Variants in TLE3 observed in about 807,000 individuals in gnomAD.
TLE3 encodes the protein transducin-like enhancer protein 3.
In TLE3, 14 loss-of-function variants were observed where a neutral mutation model predicts 93.0. The observed-to-expected ratio is 0.15, with a 90% CI of 0.10 to 0.24. TLE3 has a LOEUF of 0.24. Ranked by LOEUF, TLE3 falls within the 10% of genes least tolerant of loss-of-function variation. The pLI is 1.00. For missense variants in TLE3, 693 were observed against 1,046.6 expected, an observed-to-expected ratio of 0.66 and a Z score of 4.66; for synonymous variants, 451 against 425.0, an observed-to-expected ratio of 1.06 and a Z score of -0.75.
chr15:70,074,696 G>A, intron 5 of TLE3, 89 bp from the exon 6 acceptor site: 1 of 1,135,154 alleles, frequency 8.8e-7, no homozygotes, highest in East Asian at 2.6e-5. Flanking sequence ...GCCTCTCGGA[G>A]AGGCCCAGAG....
In TLE3 at chr15:70,056,330, G is replaced by A; in HGVS notation, c.1296C>T (p.Pro432=). 6.2e-7 allele frequency: 1 copy of A among 1,613,680 alleles called. No individual in the cohort carries two copies. Among genetic ancestry groups the A allele is most frequent in the South Asian group, 1.1e-5 (1 of 91,080 alleles). The change falls in exon 14 of 20, where the codon CCC becomes CCT. Residue 432 remains proline, a synonymous_variant. Transcript: ENST00000451782. ...PHPPMRATGL[P]SSLASIPGGK... is the part of the protein sequence containing the mutation. ...CTCCAGGAATGGAGGCCAGGCTTGA[G>A]GGGAGGCCTGTGGCCCGCATCGGGG...
chr15:70,071,661 A>G (rs1347907267), intron 6 of TLE3, among the ~76,000 whole-genome samples: 2 of 152,164 alleles, frequency 1.3e-5, no homozygotes, highest in African/African-American at 4.8e-5. Flanking sequence ...TGGAGGAACA[A>G]AGTGACTTGC....
Position 70,096,850 on chromosome 15 carries a change from C to A in TLE3, c.-52G>T. ...GCGTGGAAGCGCCGAGAGCCCGGGC[C>A]GGGGAGGTGCGGGGGAGGGGGGAGC... On this transcript the variant is annotated 5_prime_UTR_variant, in exon 1 of 20. Transcript: ENST00000451782. The A allele has an allele frequency of 6.5e-7, 1 of 1,528,894 alleles. No homozygotes were observed. Among genetic ancestry groups the A allele is most frequent in the Non-Finnish European group, 8.9e-7 (1 of 1,120,832 alleles). The allele number at this position is 1,528,894 out of a possible 1,614,324, so 94.7% of individuals were successfully genotyped here.
chr15:70,059,337 A>G (rs1195045903), intron 10 of TLE3, 73 bp downstream of exon 10: 1 of 1,525,028 alleles, frequency 6.6e-7, no homozygotes, highest in Non-Finnish European at 8.9e-7. Context: ...GACAGAATAG[A>G]TCCCACCCTG....
chr15:70,049,107 T>C lies in TLE3; in HGVS notation c.*990A>G, dbSNP rs2055301781. On this transcript the variant is annotated 3_prime_UTR_variant, in exon 20 of 20. Transcript: ENST00000451782. Reference sequence around the variant, plus strand: ...AACTTTTTGTCCTTTTTAGGCTGTGTCCCAAGATTCAGAAGAGCTGGAGAG... The same window carrying C: ...AACTTTTTGTCCTTTTTAGGCTGTGCCCCAAGATTCAGAAGAGCTGGAGAG... 1 of 152,118 alleles carries C rather than the reference T, an allele frequency of 6.6e-6. No homozygotes were observed. Among genetic ancestry groups the C allele is most frequent in the Non-Finnish European group, 1.5e-5 (1 of 68,032 alleles). The allele number at this position is 152,118 out of a possible 1,614,324, so 9.4% of individuals were successfully genotyped here.
chr15:70,059,480 C>G lies in TLE3; in HGVS notation c.715-20G>C. The G allele has an allele frequency of 1.9e-6, 3 of 1,601,904 alleles. No individual in the cohort carries two copies. Among genetic ancestry groups the G allele is most frequent in the Non-Finnish European group, 2.6e-6 (3 of 1,174,054 alleles). On this transcript the variant is annotated intron_variant, in intron 9 of 19. Coordinates refer to ENST00000451782, the MANE Select transcript of TLE3 (RefSeq NM_001105192.3). ...ACTGTCCTGCAACCAAGAGAGAAGCCAACTGGTCAGTAAGAGGCCACACTT... is the reference window on the plus strand; with the variant it reads ...ACTGTCCTGCAACCAAGAGAGAAGCGAACTGGTCAGTAAGAGGCCACACTT...
chr15:70,060,987 C>A (rs1410870538), intron 8 of TLE3, among the ~76,000 whole-genome samples: 7 of 152,210 alleles, frequency 4.6e-5, no homozygotes, highest in Non-Finnish European at 1.0e-4. Context: ...GTCTCATTCA[C>A]CACCCATCTC....
At chr15:70,062,221 G>A (rs546596089) in intron 8 of TLE3, among the ~76,000 whole-genome samples, 4 of 152,276 alleles carry the variant, frequency 2.6e-5, no homozygotes, top group African/African-American at 7.2e-5. Flanking sequence ...GTGCAGGAGC[G>A]GTGGCGATGC....
chr15:70,097,864 AAGGGGACGAGCAC>A lies in TLE3; in HGVS notation c.-1079_-1067del. On this transcript the variant is annotated 5_prime_UTR_variant, in exon 1 of 20. Transcript: ENST00000451782. Reference sequence around the variant, plus strand: ...TACGGATACCACACACAGACAGGCGAAGGGGACGAGCACGAGGTCTGAACTGCCGCGAGAGCAG... The same window carrying A: ...TACGGATACCACACACAGACAGGCGAGAGGTCTGAACTGCCGCGAGAGCAG... 1.2e-5 allele frequency: 4 copies of A among 326,740 alleles called. No individual in the cohort carries two copies. The highest frequency in any genetic ancestry group is 4.9e-5 in the Admixed American group (1 of 20,276). 20.2% of individuals were successfully genotyped at this position (326,740 alleles called of 1,614,324 possible).
chr15:70,082,520 G>GAC (rs1392644962), intron 4 of TLE3, among the ~76,000 whole-genome samples: 1 of 152,216 alleles, frequency 6.6e-6, no homozygotes, highest in African/African-American at 2.4e-5. Context: ...TCACATCACA[G>GAC]ATCACTCAAT....
chr15:70,089,141 G>C (rs773816079), intron 4 of TLE3, among the ~76,000 whole-genome samples: 2 of 152,146 alleles, frequency 1.3e-5, no homozygotes, highest in Non-Finnish European at 2.9e-5. Flanking sequence ...GAGGGGCCTC[G>C]GCTGCCGACT....
intron 4 of TLE3, among the ~76,000 whole-genome samples, chr15:70,077,434 C>A (rs1340037390): frequency 6.6e-6 from 1 of 152,224 alleles, no homozygotes; most frequent in African/African-American, 2.4e-5. Flanking sequence ...TGATCATCTG[C>A]ATGTCAAATG....
chr15:70,095,941 C>A lies in TLE3; in HGVS notation c.125+220G>T, dbSNP rs1016036789. 1.8e-5 allele frequency: 12 copies of A among 663,388 alleles called. No homozygotes were observed. In the South Asian group the frequency reaches 2.2e-4, roughly 12 times the overall value. 41.1% of individuals were successfully genotyped at this position (663,388 alleles called of 1,614,324 possible). A position where few individuals can be genotyped will look rare whatever the true frequency, so the allele number is the denominator to read the frequency against. On this transcript the variant is annotated intron_variant, in intron 2 of 19. Coordinates refer to ENST00000451782, the MANE Select transcript of TLE3 (RefSeq NM_001105192.3). Reference sequence around the variant, plus strand: ...TGAACCCGCTCGCCGCGACCTAGACCCTCATTCGGGGACCCCACGGGCGGC... The same window carrying A: ...TGAACCCGCTCGCCGCGACCTAGACACTCATTCGGGGACCCCACGGGCGGC...
chr15:70,051,631 T>G (rs1006054114), intron 18 of TLE3, 164 bp from the exon 19 acceptor site: 52 of 170,732 alleles, frequency 3.0e-4, no homozygotes, highest in South Asian at 1.4e-3. Context: ...TGCGGACACC[T>G]GGAGAAGGCC....
rs755829203 is a variant in TLE3, at chr15:70,055,222, C to T, written c.1405G>A (p.Gly469Ser). 58 of 1,613,192 alleles carry T rather than the reference C, an allele frequency of 3.6e-5. No individual in the cohort carries two copies. Among genetic ancestry groups the T allele is most frequent in the Non-Finnish European group, 4.4e-5 (52 of 1,179,714 alleles). ...PFPHDALAGP[G>S]IPRHARQINT... ...ATCTGCCGGGCGTGCCTCGGGATGC[C>T]GGGGCCTGCCAGGGCGTCGTGGGGG... The change falls in exon 15 of 20, where the codon GGC (glycine) becomes AGC (serine). Residue 469 changes from glycine to serine, a missense_variant. Physicochemically the swap from Gly to Ser is moderately conservative, Grantham distance 56. Around this residue, in one of 4 missense-constraint regions of TLE3, gnomAD observed 405 missense variants for 468.9 expected, o/e 0.86. Coordinates refer to ENST00000451782, the MANE Select transcript of TLE3 (RefSeq NM_001105192.3).
At position 70,058,215 on chromosome 15, in the gene TLE3, C is replaced by T. The variant is rs1379173187; in HGVS notation, c.995G>A (p.Ser332Asn). Residue 332 changes from serine to asparagine, a missense_variant, in exon 12 of 20, where the codon AGC (serine) becomes AAC (asparagine). Ser to Asn is a conservative substitution (Grantham distance 46). Transcript: ENST00000451782. This position sits in a 1 kb window ranked among gnomAD's most constrained non-coding sequence, Gnocchi z 4.1. ...CATCGACCTGAGCCCTGGGGTCGTG[C>T]TGGTGCCTGGAGTTGGGGCGTCGTT... ...PRNDAPTPGT[S>N]TTPGLRSMPG... 9.3e-6 allele frequency: 15 copies of T among 1,613,514 alleles called. No individual in the cohort carries two copies. Among genetic ancestry groups the T allele is most frequent in the Non-Finnish European group, 1.3e-5 (15 of 1,179,572 alleles).
chr15:70,084,030 G>T (rs769231708), intron 4 of TLE3, among the ~76,000 whole-genome samples: 3 of 152,144 alleles, frequency 2.0e-5, no homozygotes, highest in Non-Finnish European at 4.4e-5. Context: ...AATCAAGATC[G>T]GTCATTTAGA....
In TLE3 at chr15:70,096,882, C is replaced by G. The variant is rs776127193; in HGVS notation, c.-84G>C. On this transcript the variant is annotated 5_prime_UTR_variant, in exon 1 of 20. Coordinates refer to ENST00000451782, the MANE Select transcript of TLE3 (RefSeq NM_001105192.3). ...GTGCGGGGGAGGGGGGAGCCGAGCC[C>G]GAGCGGGGGGCGGCCGGGAAACCGA... 2 of 1,499,510 alleles carry G rather than the reference C, an allele frequency of 1.3e-6. No homozygotes were observed. Among genetic ancestry groups the G allele is most frequent in the Admixed American group, 3.9e-5 (2 of 51,148 alleles). The allele number at this position is 1,499,510 out of a possible 1,614,324, so 92.9% of individuals were successfully genotyped here.
At chr15:70,078,628 C>T (rs978792051) in intron 4 of TLE3, among the ~76,000 whole-genome samples, 5 of 152,224 alleles carry the variant, frequency 3.3e-5, no homozygotes, top group African/African-American at 1.2e-4. Context: ...GTGGGAGGGG[C>T]CGTGGTGGAT....
Sources: allele counts gnomAD v4.1 joint callset (sites outside exome capture counted in the v4.1 genomes callset), GRCh38; gene constraint gnomAD v4.1.1; regional missense constraint gnomAD v4.1.1; non-coding constraint Gnocchi (gnomAD v3.1); transcripts MANE v1.5; gene names NCBI Gene and HGNC (gene_info 2026-07-23, HGNC 2026-07-21).